Variants in IGFL2 observed in about 807,000 individuals in gnomAD.
IGFL2 encodes the protein insulin growth factor-like family member 2.
IGFL2 carries 7 observed loss-of-function variants against 13.9 expected under a neutral mutation model. That is an observed-to-expected ratio of 0.51 (90% confidence interval 0.29 to 0.95). IGFL2 has a LOEUF of 0.95. Among genes scored for constraint, IGFL2 ranks in the 40% least tolerant of loss-of-function variants. The pLI, the probability that IGFL2 is intolerant of heterozygous loss-of-function variation, is 0.08. For missense variants in IGFL2, 138 were observed against 147.8 expected (o/e 0.93, Z 0.34); for synonymous variants, 55 against 55.8 (o/e 0.99, Z 0.07).
the IGFL2 span, among the ~76,000 whole-genome samples, chr19:46,170,549 G>A: frequency 3.3e-5 from 5 of 152,200 alleles, no homozygotes; most frequent in African/African-American, 1.2e-4. Context: ...TAACCTTAAA[G>A]TCTGGCTGCC....
At chr19:46,122,342 A>G in the IGFL2 span, among the ~76,000 whole-genome samples, 680 of 151,180 alleles carry the variant, frequency 4.5e-3, 38 homozygotes, top group African/African-American at 0.015. Flanking sequence ...CAAATACTAA[A>G]TATTATAATT....
the IGFL2 span, among the ~76,000 whole-genome samples, chr19:46,117,989 G>C: frequency 1.3e-5 from 2 of 152,110 alleles, no homozygotes; most frequent in Non-Finnish European, 2.9e-5. Flanking sequence ...GTGAGCATAC[G>C]TGGGGCTAAT....
chr19:46,207,117 C>G, the IGFL2 span: 1 of 152,252 alleles, frequency 6.6e-6, no homozygotes, highest in African/African-American at 2.4e-5. Flanking sequence ...GGGAGGTGGA[C>G]AGGGGAAGCG....
chr19:46,089,416 G>A, the IGFL2 span, among the ~76,000 whole-genome samples: 84 of 152,154 alleles, frequency 5.5e-4, no homozygotes, highest in Non-Finnish European at 9.7e-4. Context: ...CACTGTTACA[G>A]TATAATTCTA....
At chr19:46,099,492 T>C in the IGFL2 span, among the ~76,000 whole-genome samples, 4 of 151,962 alleles carry the variant, frequency 2.6e-5, no homozygotes, top group Admixed American at 2.0e-4. Context: ...TTACATAGTC[T>C]CATAGTTCTC....
upstream of IGFL2, among the ~76,000 whole-genome samples, chr19:46,142,239 C>T (rs779528144): frequency 2.2e-4 from 33 of 152,216 alleles, no homozygotes; most frequent in Non-Finnish European, 3.5e-4. Context: ...GTGAATCCAT[C>T]TTGGGAAGTA....
At chr19:46,207,588 G>T in the IGFL2 span, 1 of 152,052 alleles carries the variant, frequency 6.6e-6, no homozygotes, top group Non-Finnish European at 1.5e-5. Flanking sequence ...CGTCATGTTG[G>T]CCAGGCTGTT....
downstream of IGFL2, among the ~76,000 whole-genome samples, chr19:46,163,258 A>T (rs1312006044): frequency 3.3e-5 from 5 of 152,192 alleles, no homozygotes; most frequent in Non-Finnish European, 7.3e-5. Flanking sequence ...TGGGCTGCCC[A>T]CTGCAGCTCT....
chr19:46,092,533 A>G, the IGFL2 span, among the ~76,000 whole-genome samples: 2 of 152,002 alleles, frequency 1.3e-5, no homozygotes, highest in South Asian at 2.1e-4. Flanking sequence ...TCAGGAGGCT[A>G]AGGTGGGAGA....
upstream of IGFL2, among the ~76,000 whole-genome samples, chr19:46,140,530 G>T (rs1476706279): frequency 1.3e-5 from 2 of 152,036 alleles, no homozygotes; most frequent in African/African-American, 2.4e-5. Context: ...ATGTTCTCTG[G>T]GACTCCCAGT....
At chr19:46,124,641 T>G in the IGFL2 span, 1 of 1,609,350 alleles carries the variant, frequency 6.2e-7, no homozygotes, top group African/African-American at 1.4e-5. Context: ...TGCAGCATCG[T>G]GGCCTCATGC....
At chr19:46,129,620 C>G in the IGFL2 span, among the ~76,000 whole-genome samples, 3 of 152,158 alleles carry the variant, frequency 2.0e-5, no homozygotes, top group South Asian at 6.2e-4. Context: ...ATTATTTACC[C>G]CAAAGTCATT....
downstream of IGFL2, among the ~76,000 whole-genome samples, chr19:46,165,405 C>T (rs1974351446): frequency 6.6e-6 from 1 of 152,186 alleles, no homozygotes; most frequent in Non-Finnish European, 1.5e-5. Context: ...AGTCTGCAGC[C>T]AGCACCCCAT....
At chr19:46,122,539 A>G in the IGFL2 span, among the ~76,000 whole-genome samples, 4 of 151,076 alleles carry the variant, frequency 2.6e-5, no homozygotes, top group South Asian at 2.1e-4. Context: ...TTTTAGCACA[A>G]GGACTTTAGA....
the IGFL2 span, among the ~76,000 whole-genome samples, chr19:46,187,743 A>G: frequency 2.1e-5 from 3 of 141,116 alleles, no homozygotes; most frequent in Non-Finnish European, 1.5e-5. Context: ...TTTATACCTG[A>G]GGTTGTGCTG....
upstream of IGFL2, among the ~76,000 whole-genome samples, chr19:46,139,897 A>G (rs1296254523): frequency 6.6e-6 from 1 of 151,924 alleles, no homozygotes; most frequent in Non-Finnish European, 1.5e-5. Context: ...GTATATGTAT[A>G]TATGTATATA....
chr19:46,169,614 A>G, the IGFL2 span, among the ~76,000 whole-genome samples: 126 of 152,242 alleles, frequency 8.3e-4, 2 homozygotes, highest in Middle Eastern at 0.017. Context: ...TTGGGAGGCC[A>G]AGGTGGGCGG....
At chr19:46,176,326 A>G in the IGFL2 span, among the ~76,000 whole-genome samples, 1 of 152,162 alleles carries the variant, frequency 6.6e-6, no homozygotes, top group Non-Finnish European at 1.5e-5. Context: ...AGAGAATTCT[A>G]GCATTGACCA....
the IGFL2 span, among the ~76,000 whole-genome samples, chr19:46,175,843 A>AT: frequency 5.8e-5 from 7 of 119,964 alleles, no homozygotes; most frequent in East Asian, 4.8e-4. Context: ...GCCTGGCACT[A>AT]TTTTTTTTTT....
Sources: allele counts gnomAD v4.1 joint callset (sites outside exome capture counted in the v4.1 genomes callset), GRCh38; gene constraint gnomAD v4.1.1; transcripts MANE v1.5; gene names NCBI Gene and HGNC (gene_info 2026-07-23, HGNC 2026-07-21).